Variants in TASP1 observed in about 807,000 individuals in gnomAD.
The protein encoded by TASP1 is threonine aspartase 1.
In TASP1, 16 loss-of-function variants were observed where a neutral mutation model predicts 56.6. The observed-to-expected ratio is 0.28, with a 90% CI of 0.19 to 0.43. TASP1 has a LOEUF of 0.43. TASP1 is among the 20% of genes least tolerant of loss of function. The probability of loss-of-function intolerance (pLI) is 1.00; values close to 1 mark genes in which losing one functional copy is unlikely to be tolerated. For synonymous variants in TASP1, 179 were observed against 184.2 expected (o/e 0.97, Z 0.23); for missense variants, 393 against 511.6 (o/e 0.77, Z 2.24).
chr20:13,392,241 G>A (rs2041316202), intron 13 of TASP1, among the ~76,000 whole-genome samples: 1 of 152,118 alleles, frequency 6.6e-6, no homozygotes, highest in South Asian at 2.1e-4. Context: ...TGAAAAAGCA[G>A]CAGACATCTA....
intron 4 of TASP1, among the ~76,000 whole-genome samples, chr20:13,592,651 A>C (rs1467423322): frequency 6.6e-6 from 1 of 152,156 alleles, no homozygotes; most frequent in Non-Finnish European, 1.5e-5. Context: ...TAATCTTTTA[A>C]AGAACTAACT....
chr20:13,546,290 T>C (rs561607532), intron 8 of TASP1, among the ~76,000 whole-genome samples: 1 of 152,262 alleles, frequency 6.6e-6, no homozygotes, highest in East Asian at 1.9e-4. Context: ...TCCAAATGAC[T>C]AGCTGGTAGT....
chr20:13,574,460 G>A (rs6109950), intron 6 of TASP1, among the ~76,000 whole-genome samples: 1 of 152,106 alleles, frequency 6.6e-6, no homozygotes, highest in Non-Finnish European at 1.5e-5. Context: ...ATGCAAAATA[G>A]GAAGAAAGGT....
chr20:13,533,477 A>G (rs1051542633), intron 9 of TASP1, among the ~76,000 whole-genome samples: 1 of 152,150 alleles, frequency 6.6e-6, no homozygotes, highest in Non-Finnish European at 1.5e-5. Context: ...TTTTACATAA[A>G]TTAGACCATC....
intron 10 of TASP1, among the ~76,000 whole-genome samples, chr20:13,494,627 A>G (rs901442824): frequency 2.0e-5 from 3 of 152,142 alleles, no homozygotes; most frequent in African/African-American, 7.2e-5. Flanking sequence ...CTAAGATTCT[A>G]AGATCCAAGT....
intron 13 of TASP1, among the ~76,000 whole-genome samples, chr20:13,391,625 G>T (rs1025161894): frequency 2.6e-5 from 4 of 152,190 alleles, no homozygotes; most frequent in Admixed American, 2.6e-4. Context: ...AGTGGGAGCC[G>T]TTTAAGAAAA....
intron 12 of TASP1, among the ~76,000 whole-genome samples, chr20:13,419,093 AGTGTT>A (rs1347340640): frequency 6.6e-6 from 1 of 152,228 alleles, no homozygotes; most frequent in Non-Finnish European, 1.5e-5. Flanking sequence ...GTTAGACAGT[AGTGTT>A]GTATCAATAC....
At chr20:13,434,271 T>TA (rs1207196903) in intron 12 of TASP1, among the ~76,000 whole-genome samples, 1 of 152,168 alleles carries the variant, frequency 6.6e-6, no homozygotes, top group Non-Finnish European at 1.5e-5. Context: ...AAGTTAACTT[T>TA]AAAAAAATAA....
chr20:13,279,504 C>A, the TASP1 span: 2 of 871,118 alleles, frequency 2.3e-6, no homozygotes, highest in Non-Finnish European at 3.5e-6. Flanking sequence ...TATCGCCATG[C>A]AATCTCAGCT....
chr20:13,594,131 G>C (rs909523294), intron 4 of TASP1, among the ~76,000 whole-genome samples: 1 of 152,140 alleles, frequency 6.6e-6, no homozygotes, highest in Non-Finnish European at 1.5e-5. Context: ...TGCAGCTGAG[G>C]GACATGACTG....
At chr20:13,126,204 A>G in the TASP1 span, among the ~76,000 whole-genome samples, 38 of 152,272 alleles carry the variant, frequency 2.5e-4, no homozygotes, top group East Asian at 7.2e-3. Flanking sequence ...CATGGGCACA[A>G]TCATATGTAA....
At chr20:13,478,987 C>A in intron 11 of TASP1, among the ~76,000 whole-genome samples, 1 of 151,820 alleles carries the variant, frequency 6.6e-6, no homozygotes, top group East Asian at 1.9e-4. Context: ...ATATTAAGAG[C>A]ATTAAGCTAT....
At chr20:13,557,060 T>C (rs1375891188) in intron 8 of TASP1, among the ~76,000 whole-genome samples, 1 of 152,200 alleles carries the variant, frequency 6.6e-6, no homozygotes, top group East Asian at 1.9e-4. Flanking sequence ...ACTGAACTAC[T>C]TGAGTAATTC....
chr20:13,261,062 C>G, the TASP1 span, among the ~76,000 whole-genome samples: 1 of 152,188 alleles, frequency 6.6e-6, no homozygotes. Flanking sequence ...ATAGGCAATC[C>G]TAAGGCACAA....
the TASP1 span, among the ~76,000 whole-genome samples, chr20:13,248,528 T>C: frequency 0.3 from 45,835 of 152,140 alleles, 7,305 homozygotes; most frequent in African/African-American, 0.43. Flanking sequence ...TCCCAGCAAG[T>C]GATTTCATAA....
intron 11 of TASP1, among the ~76,000 whole-genome samples, chr20:13,482,738 G>C (rs1301265620): frequency 6.6e-6 from 1 of 152,098 alleles, no homozygotes; most frequent in Non-Finnish European, 1.5e-5. Context: ...ATGCTATTAA[G>C]CCGATGAATT....
At chr20:13,241,680 T>C in the TASP1 span, among the ~76,000 whole-genome samples, 914 of 152,202 alleles carry the variant, frequency 6.0e-3, 10 homozygotes, top group African/African-American at 0.021. Context: ...AGAGAAGATA[T>C]AAAATGGTCA....
At chr20:13,274,258 C>T in the TASP1 span, among the ~76,000 whole-genome samples, 35 of 152,270 alleles carry the variant, frequency 2.3e-4, no homozygotes, top group Non-Finnish European at 4.4e-4. Flanking sequence ...CCTCAGAGCA[C>T]TGTTCTTTTG....
intron 4 of TASP1, among the ~76,000 whole-genome samples, chr20:13,593,357 G>A (rs1432368891): frequency 6.6e-6 from 1 of 152,166 alleles, no homozygotes; most frequent in Non-Finnish European, 1.5e-5. Flanking sequence ...GGGACTGGTT[G>A]GACAGTGGGT....
Sources: allele counts gnomAD v4.1 joint callset (sites outside exome capture counted in the v4.1 genomes callset), GRCh38; gene constraint gnomAD v4.1.1; transcripts MANE v1.5; gene names NCBI Gene and HGNC (gene_info 2026-07-23, HGNC 2026-07-21).